The following PTPRU variants were observed in gnomAD, a reference collection of about 807,000 sequenced individuals.
The protein encoded by PTPRU is protein tyrosine phosphatase receptor type U.
Under a neutral mutation model 166.3 loss-of-function variants are expected in PTPRU, and 69 were observed. The ratio of observed to expected loss-of-function variants is 0.41; its 90% CI spans 0.34 to 0.51. The LOEUF is 0.51. PTPRU is among the 20% of genes least tolerant of loss of function. PTPRU has a pLI of 0.09. For synonymous variants in PTPRU, 793 were observed against 814.0 expected (o/e 0.97, Z 0.44); for missense variants, 1,657 against 2,013.7 (o/e 0.82, Z 3.39).
rs1363128217 is a variant in PTPRU, at chr1:29,260,840, C to T, written c.1081C>T (p.Arg361Cys). The change falls in exon 7 of 30, where the codon CGT (arginine) becomes TGT (cysteine). Residue 361 changes from arginine (R) to cysteine (C), a missense_variant. Arg to Cys is a radical substitution (Grantham distance 180). Around this residue, in one of 3 missense-constraint regions of PTPRU, gnomAD observed 14 missense variants for 39.4 expected, o/e 0.36. Coordinates refer to ENST00000373779, the MANE Select transcript of PTPRU (RefSeq NM_133178.4). This position sits in a 1 kb window ranked among gnomAD's most constrained non-coding sequence, Gnocchi z 8.3. ...GTATGAGATCAGCGTGCTGCTCACG[C>T]GTCCCGGAGACGGCGGCACTGGCCG... ...TEYEISVLLT[R>C]PGDGGTGRPG... 1.2e-6 allele frequency: 2 copies of T among 1,609,338 alleles called. No individual in the cohort carries two copies. Among genetic ancestry groups the T allele is most frequent in the East Asian group, 2.2e-5 (1 of 44,634 alleles).
intron 1 of PTPRU, among the ~76,000 whole-genome samples, chr1:29,251,619 G>A (rs1684548059): frequency 6.6e-6 from 1 of 152,190 alleles, no homozygotes; most frequent in Non-Finnish European, 1.5e-5. Context: ...GGTGGTCTGG[G>A]TGTCACTCTG....
chr1:29,311,411 G>A lies in PTPRU; in HGVS notation c.2858-45G>A, dbSNP rs1460966534. 2 of 1,590,134 alleles carry A rather than the reference G, an allele frequency of 1.3e-6. No individual in the cohort carries two copies. Among genetic ancestry groups the A allele is most frequent in the Non-Finnish European group, 1.7e-6 (2 of 1,160,708 alleles). ...GGTGCTGGATGTGCTGACCTGGGGT[G>A]GAGACCTTGTCTCAGGGACAGGCAC... On this transcript the variant is annotated intron_variant, in intron 19 of 29. Transcript: ENST00000373779. This position sits in a 1 kb window ranked among gnomAD's most constrained non-coding sequence, Gnocchi z 4.1.
intron 15 of PTPRU, among the ~76,000 whole-genome samples, chr1:29,292,550 C>T (rs1444146712): frequency 6.6e-6 from 1 of 152,180 alleles, no homozygotes; most frequent in African/African-American, 2.4e-5. Context: ...TCACTTAGGG[C>T]TGTGCTTGTA....
chr1:29,304,242 T>C (rs1161295171), intron 16 of PTPRU, among the ~76,000 whole-genome samples, 197 bp downstream of exon 16: 1 of 152,218 alleles, frequency 6.6e-6, no homozygotes, highest in Non-Finnish European at 1.5e-5. Flanking sequence ...ACTCTCATGC[T>C]AACCCTGATT....
chr1:29,315,583 C>A lies in PTPRU; in HGVS notation c.3363+76C>A. The A allele has an allele frequency of 6.3e-7, 1 of 1,585,788 alleles. No homozygotes were observed. Among genetic ancestry groups the A allele is most frequent in the Non-Finnish European group, 8.6e-7 (1 of 1,160,128 alleles). On this transcript the variant is annotated intron_variant, in intron 23 of 29. Transcript: ENST00000373779. This position sits in a 1 kb window ranked among gnomAD's most constrained non-coding sequence, Gnocchi z 4.5. ...TTCTCGTGAAGGATCCTGGAGCCGG[C>A]AGAGCATGCCCAAAGGGTGTCCTGA...
intron 1 of PTPRU, among the ~76,000 whole-genome samples, chr1:29,248,042 G>A (rs1558546224): frequency 6.6e-6 from 1 of 152,238 alleles, no homozygotes; most frequent in Non-Finnish European, 1.5e-5. Context: ...CCTCAGCTTA[G>A]GTCTAGATGA....
rs375146224 is a variant in PTPRU, at chr1:29,320,786, C to T, written c.3789C>T (p.Ile1263=). 50 of 1,604,154 alleles carry T rather than the reference C, an allele frequency of 3.1e-5. No homozygotes were observed. The highest frequency in any genetic ancestry group is 4.0e-5 in the African/African-American group (3 of 74,814). ...TCTACGATTACGGGTGCACCTCCAT[C>T]GTCATGCTCAACCAGCTGAACCAGT... ...RLVYDYGCTS[I]VMLNQLNQSN... Residue 1263 remains isoleucine (I), a synonymous_variant, in exon 26 of 30, where the codon ATC becomes ATT. Coordinates refer to ENST00000373779, the MANE Select transcript of PTPRU (RefSeq NM_133178.4). The surrounding 1 kb of genome is among the most constrained non-coding windows in gnomAD (Gnocchi z 5.2).
At chr1:29,253,528 TATAAC>T (rs939961801) in intron 1 of PTPRU, among the ~76,000 whole-genome samples, 1 of 152,078 alleles carries the variant, frequency 6.6e-6, no homozygotes, top group African/African-American at 2.4e-5. Context: ...TGTCCAACAT[TATAAC>T]ATAAGACTGT....
At chr1:29,283,536 T>C (rs942029297) in intron 12 of PTPRU, among the ~76,000 whole-genome samples, 5 of 151,962 alleles carry the variant, frequency 3.3e-5, no homozygotes, top group Non-Finnish European at 7.4e-5. Flanking sequence ...AGCGTTCCTG[T>C]GTTAAGGCCT....
intron 12 of PTPRU, chr1:29,283,684 C>T (rs1574660531): frequency 1.9e-6 from 1 of 518,140 alleles, no homozygotes; most frequent in African/African-American, 1.9e-5. Flanking sequence ...CCCGAGGCCC[C>T]GCCCATTTCC....
Position 29,311,566 on chromosome 1 carries a change from G to T in PTPRU, c.2955+13G>T, listed in dbSNP as rs201337962. ...CGAGGTGGGCAGGGTAAGCCGGGCT[G>T]TGGGGCGAGCTGGGGCGCATGGCAG... On this transcript the variant is annotated intron_variant, in intron 20 of 29. Transcript: ENST00000373779. The surrounding 1 kb of genome is among the most constrained non-coding windows in gnomAD (Gnocchi z 4.1). 5 of 1,614,224 alleles carry T rather than the reference G, an allele frequency of 3.1e-6. No individual in the cohort carries two copies. The highest frequency in any genetic ancestry group is 1.1e-5 in the South Asian group (1 of 91,088).
rs151193356 is a variant in PTPRU, at chr1:29,258,665, C to T, written c.366C>T (p.Arg122=). ...HSPGTLGVYV[R]VNGGPLGSAV... ...CGGGCACCCTGGGCGTCTACGTGCG[C>T]GTTAATGGGGGCCCCCTGGGCAGTG... Residue 122 remains arginine, a synonymous_variant, in exon 3 of 30, where the codon CGC becomes CGT. Coordinates refer to ENST00000373779, the MANE Select transcript of PTPRU (RefSeq NM_133178.4). 7.7e-5 allele frequency: 125 copies of T among 1,614,110 alleles called. No individual in the cohort carries two copies. The highest frequency in any genetic ancestry group is 3.3e-4 in the Middle Eastern group (2 of 6,084).
rs1270421526 is a variant in PTPRU, at chr1:29,257,385, C to G, written c.206-1120C>G. Among the ~76,000 whole-genome samples the G allele has an allele frequency of 6.6e-6, 1 of 152,140 alleles. No homozygotes were observed. Among genetic ancestry groups the G allele is most frequent in the Non-Finnish European group, 1.5e-5 (1 of 68,012 alleles). On this transcript the variant is annotated intron_variant, in intron 2 of 29. Transcript: ENST00000373779. This position sits in a 1 kb window ranked among gnomAD's most constrained non-coding sequence, Gnocchi z 4.6. Reference sequence around the variant, plus strand: ...TTACAGAGATGAATGAGATCGCCTCCAGCAGAGTCCCTGGGGAGCCCTCCT... The same window carrying G: ...TTACAGAGATGAATGAGATCGCCTCGAGCAGAGTCCCTGGGGAGCCCTCCT...
intron 5 of PTPRU, 34 bp downstream of exon 5, chr1:29,259,598 G>T (rs1429569834): frequency 2.0e-6 from 3 of 1,503,180 alleles, no homozygotes; most frequent in South Asian, 1.2e-5. Context: ...CTGGGGGCGG[G>T]GTGGGAGGGG....
chr1:29,244,197 G>T lies in PTPRU; in HGVS notation c.73+7480G>T, dbSNP rs377308654. On this transcript the variant is annotated intron_variant, in intron 1 of 29. Transcript: ENST00000373779. ...TGGGGTGACAGCTCAGCCCCCGGGG[G>T]CTCCCAGACTAGTGGAAAAAGGAGA... is the stretch of plus-strand genomic sequence containing the variant. Among the ~76,000 whole-genome samples the T allele has an allele frequency of 6.6e-5, 10 of 152,134 alleles. No homozygotes were observed. The East Asian group carries it at 1.9e-3, about 29-fold the overall frequency.
At chr1:29,308,499 A>G (rs1202778857) in intron 18 of PTPRU, among the ~76,000 whole-genome samples, 1 of 140,834 alleles carries the variant, frequency 7.1e-6, no homozygotes. Flanking sequence ...CCTGGGAGGC[A>G]GAAGTTGCAG....
intron 12 of PTPRU, among the ~76,000 whole-genome samples, chr1:29,283,410 T>G (rs1686192830): frequency 2.0e-5 from 3 of 146,452 alleles, no homozygotes; most frequent in African/African-American, 7.7e-5. Flanking sequence ...TTCCTGAGCC[T>G]TCTTTCTCAG....
rs1200293550 is a variant in PTPRU, at chr1:29,237,197, C to T, written c.73+480C>T. ...CTGTGGCCAAGGGTGCTCTCTGGATCCCGCCTGAGTGTGGATCCGGGAACG... is the reference window on the plus strand; with the variant it reads ...CTGTGGCCAAGGGTGCTCTCTGGATTCCGCCTGAGTGTGGATCCGGGAACG... On this transcript the variant is annotated intron_variant, in intron 1 of 29. Transcript: ENST00000373779. This position sits in a 1 kb window ranked among gnomAD's most constrained non-coding sequence, Gnocchi z 6.4. Among the ~76,000 whole-genome samples the T allele has an allele frequency of 6.6e-6, 1 of 152,096 alleles. No homozygotes were observed. The highest frequency in any genetic ancestry group is 1.5e-5 in the Non-Finnish European group (1 of 68,020).
chr1:29,306,396 A>G lies in PTPRU; in HGVS notation c.2820+968A>G, dbSNP rs951075848. 2.2e-4 allele frequency among the ~76,000 whole-genome samples: 33 copies of G among 152,364 alleles called. 1 individual carries two copies. Among genetic ancestry groups the G allele is most frequent in the Admixed American group, 2.0e-3 (30 of 15,310 alleles). On this transcript the variant is annotated intron_variant, in intron 18 of 29. Coordinates refer to ENST00000373779, the MANE Select transcript of PTPRU (RefSeq NM_133178.4). ...CCATGCATTGTGCTGGGCACCAGGGATACAGATGTGAACAAGACAGTCATG... is the reference window on the plus strand; with the variant it reads ...CCATGCATTGTGCTGGGCACCAGGGGTACAGATGTGAACAAGACAGTCATG...
Sources: gnomAD v4.1 joint callset for allele counts (sites outside exome capture counted in the v4.1 genomes callset) on GRCh38, gnomAD v4.1.1 for gene constraint, gnomAD v4.1.1 regional missense constraint, Gnocchi (gnomAD v3.1) non-coding constraint, MANE v1.5 for transcripts, NCBI Gene and HGNC (gene_info 2026-07-23, HGNC 2026-07-21) for gene names.